OXCT1: variants seen among roughly 807,000 people sequenced by gnomAD.
The protein encoded by OXCT1 is 3-oxoacid CoA-transferase 1.
A neutral mutation model predicts 69.6 loss-of-function variants in OXCT1; 27 were observed. The observed-to-expected ratio is 0.39, with a 90% CI of 0.29 to 0.54. The LOEUF is 0.54. OXCT1 is among the 20% of genes least tolerant of loss of function. The pLI is 0.72. For synonymous variants in OXCT1, 202 were observed against 217.8 expected (o/e 0.93, Z 0.64); for missense variants, 437 against 650.2 (o/e 0.67, Z 3.57).
chr5:41,848,843 CTA>C (rs1177386714), intron 5 of OXCT1, among the ~76,000 whole-genome samples: 1 of 152,066 alleles, frequency 6.6e-6, no homozygotes, highest in East Asian at 1.9e-4. Context: ...AGAAGAAAAC[CTA>C]GGCATTACCA....
intron 14 of OXCT1, among the ~76,000 whole-genome samples, chr5:41,755,873 C>T (rs1040613191): frequency 2.5e-4 from 38 of 152,034 alleles, no homozygotes; most frequent in Admixed American, 1.3e-4. Context: ...ATAAATATAA[C>T]ATTTCCTTTA....
intron 7 of OXCT1, among the ~76,000 whole-genome samples, chr5:41,818,181 T>C (rs767018899): frequency 3.9e-5 from 6 of 152,108 alleles, no homozygotes; most frequent in Non-Finnish European, 8.8e-5. Flanking sequence ...CACAGTTTCA[T>C]GGAGAAGACA....
chr5:41,824,275 C>T (rs1313475531), intron 7 of OXCT1, among the ~76,000 whole-genome samples: 2 of 152,172 alleles, frequency 1.3e-5, no homozygotes, highest in Non-Finnish European at 2.9e-5. Flanking sequence ...CATGTAAGTG[C>T]ATGGTATAAA....
chr5:41,780,717 G>A (rs1745356362), intron 13 of OXCT1, among the ~76,000 whole-genome samples: 1 of 152,120 alleles, frequency 6.6e-6, no homozygotes, highest in African/African-American at 2.4e-5. Context: ...TGACTATTCA[G>A]CTCAAAATAT....
At chr5:41,781,919 A>C (rs1224333117) in intron 13 of OXCT1, among the ~76,000 whole-genome samples, 1 of 152,126 alleles carries the variant, frequency 6.6e-6, no homozygotes, top group Admixed American at 6.5e-5. Context: ...TGAACATAAC[A>C]CACACGTTTC....
intron 12 of OXCT1, 174 bp from the exon 13 acceptor site, chr5:41,794,252 TTC>T (rs1324634531): frequency 6.2e-6 from 4 of 645,198 alleles, no homozygotes; most frequent in African/African-American, 5.5e-5. Context: ...TCACTAAAAA[TTC>T]TTTTTGAAAA....
intron 13 of OXCT1, among the ~76,000 whole-genome samples, chr5:41,780,813 A>T (rs1438028443): frequency 6.6e-6 from 1 of 152,214 alleles, no homozygotes; most frequent in African/African-American, 2.4e-5. Flanking sequence ...CCTGGACAGG[A>T]TGACTTAACT....
chr5:41,827,239 T>A (rs1287949511), intron 7 of OXCT1, among the ~76,000 whole-genome samples: 1 of 152,202 alleles, frequency 6.6e-6, no homozygotes, highest in Admixed American at 6.5e-5. Flanking sequence ...CAGATTTTTA[T>A]AATTCCTACT....
chr5:41,850,249 A>C (rs1749117001), intron 4 of OXCT1, 70 bp from the exon 5 acceptor site: 2 of 1,560,642 alleles, frequency 1.3e-6, no homozygotes, highest in Admixed American at 3.4e-5. Context: ...AAACATTTAG[A>C]CGTGGTTCCT....
chr5:41,786,718 A>C (rs1317161769), intron 13 of OXCT1, among the ~76,000 whole-genome samples: 1 of 152,204 alleles, frequency 6.6e-6, no homozygotes, highest in Non-Finnish European at 1.5e-5. Flanking sequence ...ACAGGAGATA[A>C]AAATAGCTGT....
chr5:41,778,020 A>G (rs1429443056), intron 13 of OXCT1, among the ~76,000 whole-genome samples: 1 of 152,224 alleles, frequency 6.6e-6, no homozygotes, highest in East Asian at 1.9e-4. Context: ...GAAATATGCC[A>G]AACAGATAGT....
At chr5:41,866,365 G>A (rs1332093269) in intron 1 of OXCT1, among the ~76,000 whole-genome samples, 1 of 152,184 alleles carries the variant, frequency 6.6e-6, no homozygotes, top group African/African-American at 2.4e-5. Flanking sequence ...TTAGCTTTAA[G>A]ATTACTTTCA....
intron 7 of OXCT1, among the ~76,000 whole-genome samples, chr5:41,821,721 T>C (rs1159319404): frequency 6.6e-6 from 1 of 152,216 alleles, no homozygotes; most frequent in African/African-American, 2.4e-5. Flanking sequence ...CATATGCTTA[T>C]TTGCCATTTG....
intron 5 of OXCT1, among the ~76,000 whole-genome samples, chr5:41,849,742 T>C (rs1209598622): frequency 6.6e-6 from 1 of 152,218 alleles, no homozygotes; most frequent in Non-Finnish European, 1.5e-5. Flanking sequence ...GTATAACTGT[T>C]TCTCAATTTG....
At chr5:41,866,788 T>C (rs978774968) in intron 1 of OXCT1, among the ~76,000 whole-genome samples, 6 of 152,232 alleles carry the variant, frequency 3.9e-5, no homozygotes, top group Non-Finnish European at 5.9e-5. Flanking sequence ...TCTTCTCCAA[T>C]GCTGGAGGGA....
At chr5:41,839,549 A>G (rs1748531495) in intron 7 of OXCT1, among the ~76,000 whole-genome samples, 1 of 152,214 alleles carries the variant, frequency 6.6e-6, no homozygotes, top group Non-Finnish European at 1.5e-5. Context: ...AAAGTAACAT[A>G]TACTTCAGCA....
At chr5:41,860,810 G>A (rs1749693858) in intron 3 of OXCT1, among the ~76,000 whole-genome samples, 3 of 151,732 alleles carry the variant, frequency 2.0e-5, no homozygotes, top group East Asian at 1.9e-4. Context: ...CTTAAGTGCT[G>A]GCTGCATATC....
At chr5:41,739,572 C>T (rs947836237) in intron 15 of OXCT1, 81 bp from the exon 16 acceptor site, 1 of 1,105,334 alleles carries the variant, frequency 9.0e-7, no homozygotes, top group South Asian at 1.2e-5. Context: ...AATAACCTCG[C>T]AAGTTCGACG....
chr5:41,787,975 A>T (rs925445586), intron 13 of OXCT1, among the ~76,000 whole-genome samples: 3 of 152,190 alleles, frequency 2.0e-5, no homozygotes, highest in African/African-American at 7.2e-5. Context: ...CAACAAACAG[A>T]AAATATGTTG....
Sources: gnomAD v4.1 joint callset for allele counts (sites outside exome capture counted in the v4.1 genomes callset) on GRCh38, gnomAD v4.1.1 for gene constraint, MANE v1.5 for transcripts, NCBI Gene and HGNC (gene_info 2026-07-23, HGNC 2026-07-21) for gene names.